Variants in RBFOX1 observed in about 807,000 individuals in gnomAD.
RBFOX1 encodes RNA binding fox-1 homolog 1, also known as RNA binding protein fox-1 homolog 1.
A neutral mutation model predicts 57.7 loss-of-function variants in RBFOX1; 8 were observed. The observed-to-expected ratio is 0.14, with a 90% CI of 0.08 to 0.25. The LOEUF is 0.25. Among genes scored for constraint, RBFOX1 ranks in the 10% least tolerant of loss-of-function variants. RBFOX1 has a pLI of 1.00. For synonymous variants in RBFOX1, 326 were observed against 222.4 expected (o/e 1.47, Z -4.15); for missense variants, 611 against 548.5 (o/e 1.11, Z -1.14).
intron 3 of RBFOX1, among the ~76,000 whole-genome samples, chr16:5,846,977 A>G (rs952478436): frequency 5.3e-5 from 8 of 152,192 alleles, no homozygotes; most frequent in African/African-American, 1.9e-4. Flanking sequence ...ACAGATGGCC[A>G]TCAGTCTGTC....
upstream of RBFOX1, among the ~76,000 whole-genome samples, chr16:6,015,139 G>C (rs759735414): frequency 6.6e-6 from 1 of 152,124 alleles, no homozygotes; most frequent in Non-Finnish European, 1.5e-5. Flanking sequence ...TTACAGGTAT[G>C]AGCAAGAGCC....
intron 4 of RBFOX1, among the ~76,000 whole-genome samples, chr16:7,372,273 C>T (rs1343883771): frequency 1.3e-5 from 2 of 152,164 alleles, no homozygotes; most frequent in African/African-American, 4.8e-5. Flanking sequence ...CTTCATACTT[C>T]AGATCCCATG....
At chr16:5,396,484 TA>T (rs1282430489) in intron 1 of RBFOX1, among the ~76,000 whole-genome samples, 2 of 151,770 alleles carry the variant, frequency 1.3e-5, no homozygotes, top group Middle Eastern at 3.4e-3. Context: ...CTACTAAAAA[TA>T]AAAAAAATTA....
intron 4 of RBFOX1, among the ~76,000 whole-genome samples, chr16:7,391,603 C>T (rs1435515005): frequency 7.9e-5 from 12 of 152,160 alleles, no homozygotes; most frequent in Admixed American, 6.5e-4. Flanking sequence ...ACTTCAGTAC[C>T]TTCATTTGTA....
intron 3 of RBFOX1, among the ~76,000 whole-genome samples, chr16:6,663,028 C>G (rs544626550): frequency 7.1e-4 from 108 of 152,252 alleles, no homozygotes; most frequent in African/African-American, 2.5e-3. Context: ...GGGAGAGTTT[C>G]TTGTTTGCAT....
chr16:5,292,546 A>G (rs2063560380), intron 1 of RBFOX1, among the ~76,000 whole-genome samples: 1 of 152,124 alleles, frequency 6.6e-6, no homozygotes, highest in South Asian at 2.1e-4. Context: ...GCAAATAGGC[A>G]CTCATGCACC....
At chr16:6,692,518 G>A (rs761771486) in intron 3 of RBFOX1, among the ~76,000 whole-genome samples, 4 of 152,032 alleles carry the variant, frequency 2.6e-5, no homozygotes, top group Non-Finnish European at 4.4e-5. Flanking sequence ...AGCATGTGTC[G>A]GCCTCCTGGT....
At chr16:5,282,961 G>C (rs1314822029) in intron 1 of RBFOX1, among the ~76,000 whole-genome samples, 1 of 152,178 alleles carries the variant, frequency 6.6e-6, no homozygotes, top group Admixed American at 6.5e-5. Flanking sequence ...CAAAGGCCCA[G>C]AGGCCTAGGA....
At chr16:7,003,236 G>A (rs906464056) in intron 3 of RBFOX1, among the ~76,000 whole-genome samples, 3 of 151,958 alleles carry the variant, frequency 2.0e-5, no homozygotes, top group Non-Finnish European at 4.4e-5. Context: ...CGAGGTGGGT[G>A]GATCACAAGG....
rs2054865176 is a variant in RBFOX1, at chr16:5,795,980, T to C, written c.319-71323T>C. Among the ~76,000 whole-genome samples the C allele has an allele frequency of 2.0e-5, 3 of 152,240 alleles. No homozygotes were observed. In the South Asian group the frequency reaches 6.2e-4, roughly 32 times the overall value. ...CCCACCTTTTCAAAGACTTTGGCAG[T>C]ACAGTTGGGTTTTCCCATTTGCATA... On this transcript the variant is annotated intron_variant, in intron 3 of 19. Coordinates refer to the RBFOX1 transcript ENST00000641259.
At chr16:6,118,727 C>A (rs1196106178) in intron 1 of RBFOX1, among the ~76,000 whole-genome samples, 1 of 143,250 alleles carries the variant, frequency 7.0e-6, no homozygotes, top group Non-Finnish European at 1.5e-5. Flanking sequence ...CCCTCTTTCT[C>A]TCTCTCTCTC....
intron 4 of RBFOX1, chr16:5,867,467 C>A: frequency 3.3e-6 from 2 of 605,316 alleles, no homozygotes; most frequent in Non-Finnish European, 4.8e-6. Context: ...GGTGTGTTTT[C>A]AGTTGAGTGG....
At chr16:6,873,531 A>C (rs2061318548) in intron 3 of RBFOX1, among the ~76,000 whole-genome samples, 1 of 152,192 alleles carries the variant, frequency 6.6e-6, no homozygotes, top group Admixed American at 6.5e-5. Flanking sequence ...GTGTTCTTGT[A>C]ATTATTTTCA....
At chr16:6,376,221 C>T (rs998675519) in intron 2 of RBFOX1, among the ~76,000 whole-genome samples, 2 of 152,160 alleles carry the variant, frequency 1.3e-5, no homozygotes, top group Non-Finnish European at 2.9e-5. Context: ...CTGGCCTTGT[C>T]ATTTATGTTC....
chr16:7,199,256 C>G (rs1174186020), intron 4 of RBFOX1, among the ~76,000 whole-genome samples: 1 of 152,138 alleles, frequency 6.6e-6, no homozygotes, highest in Admixed American at 6.5e-5. Flanking sequence ...AGATTTCCTT[C>G]AGTGTGATAA....
chr16:7,018,617 G>A (rs1027108574), intron 3 of RBFOX1, among the ~76,000 whole-genome samples: 1 of 152,004 alleles, frequency 6.6e-6, no homozygotes, highest in Non-Finnish European at 1.5e-5. Context: ...TGGGTCAAAT[G>A]TTATTTCTAG....
rs1375902753 is a variant in RBFOX1, at chr16:6,790,691, T to C, written c.-16+136041T>C. 3.3e-5 allele frequency among the ~76,000 whole-genome samples: 5 copies of C among 152,284 alleles called. No individual in the cohort carries two copies. In the East Asian group the frequency reaches 5.8e-4, roughly 18 times the overall value. ...ATTTTCACTTGTATGGTGGATGTGA[T>C]TTCAGTTCAGTCTTGGCTCTCCATC... On this transcript the variant is annotated intron_variant, in intron 3 of 15. Transcript: ENST00000550418.
intron 3 of RBFOX1, among the ~76,000 whole-genome samples, chr16:6,994,452 T>C (rs2091966019): frequency 2.0e-5 from 3 of 152,168 alleles, no homozygotes; most frequent in African/African-American, 4.8e-5. Context: ...AGCTCTCTCT[T>C]TTTAATGCCA....
chr16:6,588,276 ATTC>A (rs1217155254), intron 2 of RBFOX1, among the ~76,000 whole-genome samples: 2 of 152,028 alleles, frequency 1.3e-5, no homozygotes, highest in African/African-American at 2.4e-5. Context: ...CCACAAAACA[ATTC>A]TTATTTTTTT....
Sources: gnomAD v4.1 joint callset for allele counts (sites outside exome capture counted in the v4.1 genomes callset) on GRCh38, gnomAD v4.1.1 for gene constraint, MANE v1.5 for transcripts, NCBI Gene and HGNC (gene_info 2026-07-23, HGNC 2026-07-21) for gene names.